Variants in DLGAP4 observed in about 807,000 individuals in gnomAD.
DLGAP4 encodes the protein DLG associated protein 4.
In DLGAP4, 18 loss-of-function variants were observed where a neutral mutation model predicts 86.9. The ratio of observed to expected loss-of-function variants is 0.21; its 90% CI spans 0.14 to 0.31. The LOEUF (loss-of-function observed/expected upper bound fraction) is 0.31. DLGAP4 is among the 10% of genes least tolerant of loss of function. The pLI is 1.00. For synonymous variants in DLGAP4, 548 were observed against 574.3 expected (o/e 0.95, Z 0.65); for missense variants, 1,085 against 1,362.6 (o/e 0.80, Z 3.21).
chr20:36,470,884 G>T (rs770808404), intron 7 of DLGAP4, among the ~76,000 whole-genome samples: 13 of 152,128 alleles, frequency 8.5e-5, no homozygotes, highest in Non-Finnish European at 1.6e-4. Context: ...CTCTACTCAA[G>T]GATGTTTAGC....
At chr20:36,426,534 T>A (rs1286412378) in intron 2 of DLGAP4, among the ~76,000 whole-genome samples, 1 of 149,800 alleles carries the variant, frequency 6.7e-6, no homozygotes, top group Non-Finnish European at 1.5e-5. Context: ...AAAAAAAAAA[T>A]GAATAAAAGA....
chr20:36,404,951 G>A (rs1406312900), intron 2 of DLGAP4, among the ~76,000 whole-genome samples: 1 of 152,230 alleles, frequency 6.6e-6, no homozygotes, highest in Non-Finnish European at 1.5e-5. Context: ...TTGAGGAGCG[G>A]GTCAGGGAGG....
chr20:36,517,145 G>A (rs1158605587), intron 10 of DLGAP4, among the ~76,000 whole-genome samples: 1 of 151,584 alleles, frequency 6.6e-6, no homozygotes, highest in Non-Finnish European at 1.5e-5. Context: ...TTCGGAGGCC[G>A]AGGTGGGCAG....
intron 1 of DLGAP4, among the ~76,000 whole-genome samples, chr20:36,345,913 A>G (rs1428201628): frequency 2.0e-5 from 3 of 151,974 alleles, no homozygotes; most frequent in Non-Finnish European, 4.4e-5. Context: ...ACTTACCACC[A>G]CACCAGGCTA....
At chr20:36,502,328 A>C (rs1404383353) in intron 10 of DLGAP4, among the ~76,000 whole-genome samples, 1 of 152,214 alleles carries the variant, frequency 6.6e-6, no homozygotes, top group Non-Finnish European at 1.5e-5. Flanking sequence ...ACATTTAAAA[A>C]ATACACTCCA....
chr20:36,500,432 C>T lies in DLGAP4; in HGVS notation c.2333C>T (p.Pro778Leu). The part of the protein sequence containing the change: ...SDPALEASSL[P>L]PPDPWLETSS... ...CCTGCCCTAGAGGCGTCCTCGCTGC[C>T]CCCACCCGACCCCTGGCTCGAGACC... Residue 778 changes from proline to leucine, a missense_variant, in exon 10 of 13, where the codon CCC becomes CTC. By Grantham distance (98) the Pro-to-Leu change is moderately conservative. Around this residue, in one of 2 missense-constraint regions of DLGAP4, gnomAD observed 1,082 missense variants for 1,344.1 expected, o/e 0.81. Coordinates refer to ENST00000339266, the MANE Select transcript of DLGAP4 (RefSeq NM_001365621.2). The surrounding 1 kb of genome is among the most constrained non-coding windows in gnomAD (Gnocchi z 4.6). The T allele has an allele frequency of 6.4e-7, 1 of 1,573,916 alleles. No homozygotes were observed. The highest frequency in any genetic ancestry group is 2.3e-5 in the East Asian group (1 of 43,844).
At chr20:36,376,743 G>A (rs1230816464) in intron 2 of DLGAP4, among the ~76,000 whole-genome samples, 2 of 152,122 alleles carry the variant, frequency 1.3e-5, no homozygotes, top group African/African-American at 4.8e-5. Context: ...CGTCAGCTTC[G>A]TGAGACTTAG....
intron 2 of DLGAP4, among the ~76,000 whole-genome samples, chr20:36,412,970 A>G (rs2032542294): frequency 7.1e-6 from 1 of 140,424 alleles, no homozygotes; most frequent in Non-Finnish European, 1.5e-5. Context: ...TTTATTCCAG[A>G]ACTCTTTTCT....
chr20:36,328,376 C>A (rs1402124822), intron 1 of DLGAP4, among the ~76,000 whole-genome samples: 2 of 151,850 alleles, frequency 1.3e-5, no homozygotes, highest in African/African-American at 4.8e-5. Flanking sequence ...ACAAGTTGGG[C>A]CCCAGAGTCA....
chr20:36,514,846 A>G (rs1165143476), intron 10 of DLGAP4, among the ~76,000 whole-genome samples: 1 of 152,132 alleles, frequency 6.6e-6, no homozygotes, highest in Non-Finnish European at 1.5e-5. Flanking sequence ...GTGAGAAGGA[A>G]TCGAATTAGT....
chr20:36,338,310 C>T (rs2065342675), intron 1 of DLGAP4, among the ~76,000 whole-genome samples: 1 of 152,162 alleles, frequency 6.6e-6, no homozygotes, highest in Non-Finnish European at 1.5e-5. Flanking sequence ...GCCTGTAATC[C>T]CAACACTTTG....
chr20:36,468,382 T>G (rs2034511895), intron 7 of DLGAP4, among the ~76,000 whole-genome samples: 1 of 152,246 alleles, frequency 6.6e-6, no homozygotes, highest in Admixed American at 6.5e-5. Context: ...TAGGACTCAT[T>G]TCTCAGGCTG....
chr20:36,526,649 G>C (rs547139963), intron 12 of DLGAP4, among the ~76,000 whole-genome samples, 164 bp from the exon 13 acceptor site: 1 of 152,270 alleles, frequency 6.6e-6, no homozygotes, highest in Admixed American at 6.5e-5. Flanking sequence ...CCCACTGTCA[G>C]TCATCGCTTC....
intron 7 of DLGAP4, among the ~76,000 whole-genome samples, chr20:36,491,233 T>TA (rs1383720364): frequency 4.6e-5 from 7 of 151,066 alleles, no homozygotes; most frequent in African/African-American, 1.7e-4. Flanking sequence ...TCTGACCTGA[T>TA]AAATACAGTT....
rs745649207 is a variant in DLGAP4 at position 36,455,298 on chromosome 20, T to G, written c.1648+8361T>G. Among the ~76,000 whole-genome samples the G allele has an allele frequency of 3.5e-4, 53 of 151,598 alleles. 2 individuals carry two copies. Among genetic ancestry groups the G allele is most frequent in the Non-Finnish European group, 7.4e-5 (5 of 67,906 alleles). Reference sequence around the variant, plus strand: ...TCCCACCCTCTCTGCCTTCCTTCCCTCTCAGTTTCTGGCCCTCCTCCCCGT... The same window carrying G: ...TCCCACCCTCTCTGCCTTCCTTCCCGCTCAGTTTCTGGCCCTCCTCCCCGT... On this transcript the variant is annotated intron_variant, in intron 7 of 12. Coordinates refer to ENST00000339266, the MANE Select transcript of DLGAP4 (RefSeq NM_001365621.2).
chr20:36,485,003 A>C (rs892014066), intron 7 of DLGAP4, among the ~76,000 whole-genome samples: 4 of 152,226 alleles, frequency 2.6e-5, no homozygotes, highest in African/African-American at 9.6e-5. Flanking sequence ...GTGATATTTT[A>C]ATATATCCAT....
chr20:36,520,994 G>A (rs1267429518), intron 10 of DLGAP4, among the ~76,000 whole-genome samples: 3 of 152,058 alleles, frequency 2.0e-5, no homozygotes, highest in Non-Finnish European at 2.9e-5. Context: ...CACCAAGCCC[G>A]GCTAATTTTA....
intron 7 of DLGAP4, among the ~76,000 whole-genome samples, chr20:36,496,430 G>A (rs777915358): frequency 3.3e-5 from 5 of 152,244 alleles, no homozygotes; most frequent in Non-Finnish European, 4.4e-5. Context: ...GGATAATAAG[G>A]TTTGTGTGTG....
At chr20:36,443,571 T>C (rs970485661) in intron 6 of DLGAP4, among the ~76,000 whole-genome samples, 2 of 152,108 alleles carry the variant, frequency 1.3e-5, no homozygotes, top group Non-Finnish European at 2.9e-5. Context: ...CCTGAACACA[T>C]GATTCAAGAA....
Sources: gnomAD v4.1 joint callset for allele counts (sites outside exome capture counted in the v4.1 genomes callset) on GRCh38, gnomAD v4.1.1 for gene constraint, gnomAD v4.1.1 regional missense constraint, Gnocchi (gnomAD v3.1) non-coding constraint, MANE v1.5 for transcripts, NCBI Gene and HGNC (gene_info 2026-07-23, HGNC 2026-07-21) for gene names.